The following ALPK2 variants were observed in gnomAD, a reference collection of about 807,000 sequenced individuals.
The protein encoded by ALPK2 is alpha-protein kinase 2.
In ALPK2, 127 loss-of-function variants were observed where a neutral mutation model predicts 163.1. The ratio of observed to expected loss-of-function variants is 0.78; its 90% CI spans 0.67 to 0.90. ALPK2 has a LOEUF of 0.90. Among genes scored for constraint, ALPK2 ranks in the 40% least tolerant of loss-of-function variants. ALPK2 has a pLI of 0.00. For synonymous variants in ALPK2, 953 were observed against 959.1 expected (o/e 0.99, Z 0.12); for missense variants, 2,360 against 2,589.6 (o/e 0.91, Z 1.92).
At chr18:58,517,472 T>G (rs1197330791) in intron 8 of ALPK2, among the ~76,000 whole-genome samples, 1 of 151,918 alleles carries the variant, frequency 6.6e-6, no homozygotes, top group African/African-American at 2.4e-5. Flanking sequence ...AAAATATAAG[T>G]GGAACCAAGC....
At chr18:58,614,043 T>C (rs2052150883) in intron 1 of ALPK2, among the ~76,000 whole-genome samples, 1 of 152,178 alleles carries the variant, frequency 6.6e-6, no homozygotes, top group Admixed American at 6.5e-5. Flanking sequence ...AATAAATTAA[T>C]TAAGGGGAAT....
rs143159869 is a variant in ALPK2, at chr18:58,544,159, A to G, written c.1963-5935T>C. ...AATGAATACAGGAGGGGAAAGGGTA[A>G]ACCAAATTTAGTAATGTTTCCAAGC... On this transcript the variant is annotated intron_variant, in intron 4 of 12. Transcript: ENST00000361673. 4 of 152,344 alleles carry G rather than the reference A, an allele frequency of 2.6e-5. 1 individual carries two copies. In the East Asian group the frequency reaches 7.7e-4, roughly 29 times the overall value. The allele number at this position is 152,344 out of a possible 1,614,324, so 9.4% of individuals were successfully genotyped here. A position where few individuals can be genotyped will look rare whatever the true frequency, so the allele number is the denominator to read the frequency against.
intron 9 of ALPK2, 115 bp from the exon 10 acceptor site, chr18:58,515,196 C>T (rs886863063): frequency 1.3e-6 from 1 of 741,568 alleles, no homozygotes; most frequent in South Asian, 2.3e-5. Flanking sequence ...AACTGACAAG[C>T]CCATCCCCTG....
At chr18:58,592,214 G>A (rs2144210809) in intron 3 of ALPK2, among the ~76,000 whole-genome samples, 1 of 152,336 alleles carries the variant, frequency 6.6e-6, no homozygotes. Context: ...CATGGGACTT[G>A]AGAAGGGAAA....
At chr18:58,516,620 G>A (rs78879825) in intron 9 of ALPK2, among the ~76,000 whole-genome samples, 5,456 of 152,158 alleles carry the variant, frequency 0.036, 114 homozygotes, top group Non-Finnish European at 0.045. Context: ...GACTCAAACC[G>A]CCAGGGATGT....
At chr18:58,553,850 G>GTTTTTTTTTTTTTTTTT (rs71173061) in intron 4 of ALPK2, among the ~76,000 whole-genome samples, 4 of 73,994 alleles carry the variant, frequency 5.4e-5, no homozygotes, top group Non-Finnish European at 9.2e-5. Context: ...TTTTTTTTTG[G>GTTTTTTTTTTTTTTTTT]TTTTTTTTTT....
intron 10 of ALPK2, among the ~76,000 whole-genome samples, chr18:58,505,824 C>A (rs1391102709): frequency 6.6e-6 from 1 of 152,194 alleles, no homozygotes; most frequent in Non-Finnish European, 1.5e-5. Context: ...GTTCTCTTCT[C>A]GGCCCCCACC....
chr18:58,581,713 T>C (rs2144201196), intron 3 of ALPK2, among the ~76,000 whole-genome samples: 1 of 152,350 alleles, frequency 6.6e-6, no homozygotes, highest in South Asian at 2.1e-4. Context: ...GACCGCATTG[T>C]AATTGTAATA....
chr18:58,541,964 G>C (rs771320576), intron 4 of ALPK2, among the ~76,000 whole-genome samples: 8 of 152,190 alleles, frequency 5.3e-5, no homozygotes, highest in Non-Finnish European at 1.2e-4. Flanking sequence ...ACAAAAGAAT[G>C]CTAGCAAATG....
At chr18:58,496,529 TA>T (rs1219572097) in intron 12 of ALPK2, among the ~76,000 whole-genome samples, 1 of 152,240 alleles carries the variant, frequency 6.6e-6, no homozygotes, top group East Asian at 1.9e-4. Flanking sequence ...ACCTGGAGGT[TA>T]AAAGAAAGAG....
intron 8 of ALPK2, among the ~76,000 whole-genome samples, chr18:58,520,533 T>C (rs770969000): frequency 2.0e-5 from 3 of 151,016 alleles, no homozygotes; most frequent in Middle Eastern, 3.5e-3. Flanking sequence ...CTCACTGAGG[T>C]TCCTTGCTAC....
In ALPK2 at chr18:58,517,599, C is replaced by G. The variant is rs141601181; in HGVS notation, c.5666-417G>C. Among the ~76,000 whole-genome samples, 410 of 152,076 alleles carry G rather than the reference C, an allele frequency of 2.7e-3. 6 individuals are homozygous for G. In the East Asian group the frequency reaches 0.037, roughly 14 times the overall value. On this transcript the variant is annotated intron_variant, in intron 8 of 12. Transcript: ENST00000361673. ...TCTTTCATTATTGCCCCCCACCCCC[C>G]GCAACCACGGAATCTTTGCTGGAAT...
At chr18:58,527,394 C>T (rs548425962) in intron 6 of ALPK2, among the ~76,000 whole-genome samples, 1 of 152,336 alleles carries the variant, frequency 6.6e-6, no homozygotes, top group Admixed American at 6.5e-5. Context: ...CTAAGCCAGA[C>T]ACTGTCACCA....
rs569430281 is a variant in ALPK2, at chr18:58,523,174, T to G, written c.5665+632A>C. Reference sequence around the variant, plus strand: ...TGAGAACATGCGGTGTTTGGTTTTTTGTCCTTGCGATAGTTTACTGAGAAT... The same window carrying G: ...TGAGAACATGCGGTGTTTGGTTTTTGGTCCTTGCGATAGTTTACTGAGAAT... On this transcript the variant is annotated intron_variant, in intron 8 of 12. Transcript: ENST00000361673. Among the ~76,000 whole-genome samples, 12 of 150,880 alleles carry G rather than the reference T, an allele frequency of 8.0e-5. No homozygotes were observed. In the East Asian group the frequency reaches 2.3e-3, roughly 29 times the overall value.
chr18:58,490,147 A>G (rs2144099188), intron 12 of ALPK2, among the ~76,000 whole-genome samples: 1 of 152,310 alleles, frequency 6.6e-6, no homozygotes, highest in African/African-American at 2.4e-5. Flanking sequence ...TGACAACAGA[A>G]ATCTTGTTTC....
chr18:58,611,725 C>T lies in ALPK2; in HGVS notation c.73G>A (p.Glu25Lys). 1 of 1,613,134 alleles carries T rather than the reference C, an allele frequency of 6.2e-7. No individual in the cohort carries two copies. ...CAGCGAAGCACAGCGTCTGACTTCT[C>T]AGGAACCTTCTGGGAAAGCAATGTA... Reference protein sequence around the residue: ...LSTLLSQKVPEKSDAVLRCII... With the variant: ...LSTLLSQKVPKKSDAVLRCII... Residue 25 changes from glutamate (E) to lysine (K), a missense_variant, in exon 2 of 13, where the codon GAG becomes AAG. Glu to Lys is a moderately conservative substitution (Grantham distance 56). Transcript: ENST00000361673.
intron 12 of ALPK2, among the ~76,000 whole-genome samples, chr18:58,490,383 C>T (rs1986701): frequency 0.16 from 23,722 of 152,070 alleles, 1,968 homozygotes; most frequent in East Asian, 0.38. Context: ...CCAGGCAATT[C>T]GCCCCTGCTT....
chr18:58,498,652 G>A (rs1034460458), intron 11 of ALPK2, among the ~76,000 whole-genome samples: 4 of 152,240 alleles, frequency 2.6e-5, no homozygotes, highest in Non-Finnish European at 5.9e-5. Flanking sequence ...CCCAGTGGGA[G>A]ATAATTGAAT....
chr18:58,615,236 A>T (rs544204788), intron 1 of ALPK2, among the ~76,000 whole-genome samples: 1 of 152,246 alleles, frequency 6.6e-6, no homozygotes, highest in Admixed American at 6.5e-5. Context: ...TGCTTTTCAG[A>T]AGCAACTGTT....
Sources: allele counts gnomAD v4.1 joint callset (sites outside exome capture counted in the v4.1 genomes callset), GRCh38; gene constraint gnomAD v4.1.1; transcripts MANE v1.5; gene names NCBI Gene and HGNC (gene_info 2026-07-23, HGNC 2026-07-21).